The following SOX6 variants were observed in gnomAD, a reference collection of about 807,000 sequenced individuals.
SOX6 encodes the protein transcription factor SOX-6.
Under a neutral mutation model 97.8 loss-of-function variants are expected in SOX6, and 11 were observed. The ratio of observed to expected loss-of-function variants is 0.11; its 90% CI spans 0.07 to 0.19. The LOEUF (loss-of-function observed/expected upper bound fraction) is 0.19, where lower values mean the gene tolerates loss of function less well. Ranked by LOEUF, SOX6 falls within the 10% of genes least tolerant of loss-of-function variation. The probability of loss-of-function intolerance (pLI) is 1.00; values close to 1 mark genes in which losing one functional copy is unlikely to be tolerated. For synonymous variants in SOX6, 360 were observed against 371.4 expected (o/e 0.97, Z 0.35); for missense variants, 810 against 1,039.5 (o/e 0.78, Z 3.04).
At chr11:16,377,677 C>T (rs1188405648) in intron 1 of SOX6, among the ~76,000 whole-genome samples, 1 of 152,162 alleles carries the variant, frequency 6.6e-6, no homozygotes, top group Non-Finnish European at 1.5e-5. Flanking sequence ...TCTGCCCAAG[C>T]ATGGAGAATA....
intron 6 of SOX6, among the ~76,000 whole-genome samples, chr11:16,119,333 CCTTTTAGT>C (rs1849433212): frequency 6.6e-6 from 1 of 152,076 alleles, no homozygotes; most frequent in Admixed American, 6.6e-5. Context: ...TAACAGAAAC[CCTTTTAGT>C]CTCAAACTTT....
chr11:16,627,517 T>C (rs1565197269), intron 3 of SOX6, among the ~76,000 whole-genome samples: 1 of 152,236 alleles, frequency 6.6e-6, no homozygotes, highest in South Asian at 2.1e-4. Flanking sequence ...TGATATCTCA[T>C]TGTGGTTTTA....
intron 3 of SOX6, among the ~76,000 whole-genome samples, chr11:16,271,064 T>C (rs1204219568): frequency 1.3e-5 from 2 of 151,396 alleles, no homozygotes; most frequent in Non-Finnish European, 3.0e-5. Flanking sequence ...AAAGAATACA[T>C]CCATTTATAT....
chr11:16,731,504 A>C (rs1357905368), intron 2 of SOX6, among the ~76,000 whole-genome samples: 1 of 152,236 alleles, frequency 6.6e-6, no homozygotes, highest in Non-Finnish European at 1.5e-5. Context: ...CCATGTGATT[A>C]TCTCAATAGA....
intron 13 of SOX6, among the ~76,000 whole-genome samples, chr11:16,013,566 T>A (rs143724893): frequency 3.3e-5 from 5 of 152,002 alleles, no homozygotes; most frequent in Admixed American, 6.6e-5. Context: ...TTTTGAGTAA[T>A]CTTTATGCCT....
At chr11:16,602,311 C>T (rs1848279966) in intron 4 of SOX6, among the ~76,000 whole-genome samples, 1 of 152,178 alleles carries the variant, frequency 6.6e-6, no homozygotes, top group Non-Finnish European at 1.5e-5. Flanking sequence ...CAGAGGATGT[C>T]ACTATGCCTA....
intron 7 of SOX6, among the ~76,000 whole-genome samples, chr11:16,104,611 A>G (rs61881675): frequency 6.6e-6 from 1 of 151,694 alleles, no homozygotes; most frequent in Non-Finnish European, 1.5e-5. Flanking sequence ...ACACACACAC[A>G]TACACAGGTT....
chr11:16,359,168 C>T (rs754446827), upstream of SOX6, among the ~76,000 whole-genome samples: 81 of 152,046 alleles, frequency 5.3e-4, no homozygotes, highest in Non-Finnish European at 9.6e-4. Flanking sequence ...CTCACTTAAC[C>T]GGGTCCTCAG....
intron 1 of SOX6, among the ~76,000 whole-genome samples, chr11:16,365,360 T>C (rs890762361): frequency 6.6e-6 from 1 of 151,774 alleles, no homozygotes; most frequent in Non-Finnish European, 1.5e-5. Flanking sequence ...TATAAAATAG[T>C]AATTATTATT....
chr11:16,366,765 C>CGGGT (rs1857369816), intron 1 of SOX6, among the ~76,000 whole-genome samples: 1 of 151,850 alleles, frequency 6.6e-6, no homozygotes, highest in Non-Finnish European at 1.5e-5. Context: ...AATTTTCTAT[C>CGGGT]TGGTCCCTTC....
intron 3 of SOX6, among the ~76,000 whole-genome samples, chr11:16,240,546 C>T (rs1298726778): frequency 6.6e-6 from 1 of 151,934 alleles, no homozygotes; most frequent in African/African-American, 2.4e-5. Flanking sequence ...CAATGAAAGT[C>T]ACATTGTTCT....
intron 6 of SOX6, among the ~76,000 whole-genome samples, chr11:16,132,346 GAAAGAA>G (rs1849784742): frequency 2.7e-5 from 1 of 37,582 alleles, no homozygotes; most frequent in Non-Finnish European, 4.7e-5. Context: ...AAAAAAGAAA[GAAAGAA>G]AGAAAGAAAG....
intron 6 of SOX6, among the ~76,000 whole-genome samples, chr11:16,116,674 G>C (rs1435372476): frequency 6.6e-6 from 1 of 152,136 alleles, no homozygotes; most frequent in Non-Finnish European, 1.5e-5. Context: ...CTTATTCATA[G>C]TTACCTAGTG....
At chr11:16,314,788 T>C (rs1196397683) in intron 3 of SOX6, 1 of 152,232 alleles carries the variant, frequency 6.6e-6, no homozygotes, top group Non-Finnish European at 1.5e-5. Flanking sequence ...TACATTATAC[T>C]TGGAGATATC....
At chr11:16,307,866 A>G (rs1855485326) in intron 3 of SOX6, among the ~76,000 whole-genome samples, 1 of 152,114 alleles carries the variant, frequency 6.6e-6, no homozygotes, top group South Asian at 2.1e-4. Context: ...TTTTCAATTC[A>G]TTATTTGAGA....
chr11:16,078,735 G>A (rs1439673126), intron 9 of SOX6, among the ~76,000 whole-genome samples: 1 of 152,052 alleles, frequency 6.6e-6, no homozygotes, highest in African/African-American at 2.4e-5. Flanking sequence ...AGGCTGGGAG[G>A]CTTTCAGAGA....
At position 16,015,040 on chromosome 11, in the gene SOX6, C is replaced by T. The variant is rs148323217; in HGVS notation, c.1634G>A (p.Arg545His). The change falls in exon 13 of 16, where the codon CGC becomes CAC. Residue 545 changes from arginine (R) to histidine (H), a missense_variant. Around this residue, in one of 9 missense-constraint regions of SOX6, gnomAD observed 120 missense variants for 127.0 expected, o/e 0.94. Coordinates refer to ENST00000683767, the MANE Select transcript of SOX6 (RefSeq NM_001367873.1). The part of the protein sequence containing the change: ...NSCRNEKERT[R>H]FENLGPQLTG... ...TAACTGGGGCCCCAAATTCTCAAAG[C>T]GCGTTCTTTCCTAGAGGAACAAATA... 196 of 1,612,562 alleles carry T rather than the reference C, an allele frequency of 1.2e-4. No homozygotes were observed. The highest frequency in any genetic ancestry group is 1.5e-4 in the Non-Finnish European group (179 of 1,179,176).
At chr11:16,146,518 A>C (rs1475612081) in intron 6 of SOX6, among the ~76,000 whole-genome samples, 9 of 152,210 alleles carry the variant, frequency 5.9e-5, no homozygotes, top group Admixed American at 1.3e-4. Context: ...TAATTAAACT[A>C]AAGAGCTTCT....
intron 1 of SOX6, among the ~76,000 whole-genome samples, chr11:16,443,863 A>C (rs941784623): frequency 3.9e-5 from 6 of 152,042 alleles, no homozygotes. Flanking sequence ...AAATACAAAA[A>C]TTAGCTTGGC....
Sources: allele counts gnomAD v4.1 joint callset (sites outside exome capture counted in the v4.1 genomes callset), GRCh38; gene constraint gnomAD v4.1.1; regional missense constraint gnomAD v4.1.1; transcripts MANE v1.5; gene names NCBI Gene and HGNC (gene_info 2026-07-23, HGNC 2026-07-21).